The following MGAT5 variants were observed in gnomAD, a reference collection of about 807,000 sequenced individuals.
MGAT5 encodes the protein alpha-1,6-mannosylglycoprotein 6-beta-N-acetylglucosaminyltransferase A.
In MGAT5, 30 loss-of-function variants were observed where a neutral mutation model predicts 94.3. That is an observed-to-expected ratio of 0.32 (90% CI 0.24 to 0.43). The LOEUF is 0.43. MGAT5 is among the 20% of genes least tolerant of loss of function. MGAT5 has a pLI of 1.00. For missense variants in MGAT5, 691 were observed against 905.5 expected, an observed-to-expected ratio of 0.76 and a Z score of 3.04; for synonymous variants, 310 against 322.9, an observed-to-expected ratio of 0.96 and a Z score of 0.43.
intron 2 of MGAT5, among the ~76,000 whole-genome samples, chr2:134,274,235 T>C (rs1247802234): frequency 6.6e-6 from 1 of 152,254 alleles, no homozygotes; most frequent in African/African-American, 2.4e-5. Flanking sequence ...TCAGTAAATA[T>C]TGCTCACATG....
At chr2:134,386,444 C>A (rs1681977644) in intron 10 of MGAT5, among the ~76,000 whole-genome samples, 1 of 152,148 alleles carries the variant, frequency 6.6e-6, no homozygotes, top group Non-Finnish European at 1.5e-5. Context: ...AAAGAATTTC[C>A]TTTTTCTCTT....
At chr2:134,173,907 A>G (rs529142895) in intron 1 of MGAT5, among the ~76,000 whole-genome samples, 12 of 152,368 alleles carry the variant, frequency 7.9e-5, no homozygotes, top group Admixed American at 7.2e-4. Flanking sequence ...GAGTGAGGAA[A>G]TAGTTGGATC....
At chr2:134,431,271 G>A (rs571900067) in intron 14 of MGAT5, among the ~76,000 whole-genome samples, 1 of 152,342 alleles carries the variant, frequency 6.6e-6, no homozygotes, top group East Asian at 1.9e-4. Context: ...CTAAGGGGCA[G>A]TGGAACTGTC....
intron 2 of MGAT5, among the ~76,000 whole-genome samples, chr2:134,308,028 A>G (rs1470548): frequency 0.93 from 142,108 of 152,202 alleles, 66,905 homozygotes; most frequent in East Asian, 1. Flanking sequence ...TTGTGACCTT[A>G]GCCAAGTTAC....
chr2:134,164,191 T>G (rs538728321), intron 1 of MGAT5, among the ~76,000 whole-genome samples: 1 of 152,288 alleles, frequency 6.6e-6, no homozygotes, highest in South Asian at 2.1e-4. Flanking sequence ...TTCCTGAAAA[T>G]CTTTTAAACT....
At chr2:134,422,981 C>T in intron 13 of MGAT5, 62 bp downstream of exon 13, 2 of 1,183,572 alleles carry the variant, frequency 1.7e-6, no homozygotes, top group Non-Finnish European at 2.5e-6. Flanking sequence ...GTATAAAACA[C>T]ATCATAGGTC....
chr2:134,314,854 CA>C, intron 2 of MGAT5, among the ~76,000 whole-genome samples: 1 of 152,242 alleles, frequency 6.6e-6, no homozygotes, highest in Non-Finnish European at 1.5e-5. Flanking sequence ...AATCTCCTAG[CA>C]TAGCAACAGG....
intron 1 of MGAT5, among the ~76,000 whole-genome samples, chr2:134,141,496 A>G (rs944592174): frequency 4.1e-4 from 30 of 73,946 alleles, no homozygotes; most frequent in African/African-American, 1.6e-3. Flanking sequence ...GGGTGGGTGG[A>G]TGAATGGGTG....
At chr2:134,247,372 A>AAC (rs937702865) in intron 1 of MGAT5, among the ~76,000 whole-genome samples, 3 of 148,600 alleles carry the variant, frequency 2.0e-5, no homozygotes, top group Admixed American at 6.7e-5. Context: ...AAAAAAAAAA[A>AAC]AACAAAAAAA....
At chr2:134,414,726 T>G (rs868258436) in intron 12 of MGAT5, among the ~76,000 whole-genome samples, 3 of 152,162 alleles carry the variant, frequency 2.0e-5, no homozygotes, top group South Asian at 4.1e-4. Context: ...TTAATCAACT[T>G]GTATAACTGA....
intron 1 of MGAT5, among the ~76,000 whole-genome samples, chr2:134,174,448 T>C (rs1414733726): frequency 6.6e-6 from 1 of 152,282 alleles, no homozygotes; most frequent in Non-Finnish European, 1.5e-5. Flanking sequence ...CTAGTGCCAG[T>C]GGCTGGCACA....
chr2:134,128,229 AAG>A (rs1361094056), intron 1 of MGAT5, among the ~76,000 whole-genome samples: 1 of 152,016 alleles, frequency 6.6e-6, no homozygotes, highest in South Asian at 2.1e-4. Flanking sequence ...AAAAGAGAGA[AAG>A]AGAAGGAGAG....
At chr2:134,193,157 A>G (rs1533636) in intron 1 of MGAT5, among the ~76,000 whole-genome samples, 22,659 of 146,496 alleles carry the variant, frequency 0.15, 1,943 homozygotes, top group Admixed American at 0.22. Context: ...AGGTCTCGCT[A>G]TGTTACCCAG....
chr2:134,218,560 G>A (rs898382521), intron 1 of MGAT5, among the ~76,000 whole-genome samples: 3 of 152,112 alleles, frequency 2.0e-5, no homozygotes, highest in South Asian at 2.1e-4. Context: ...TGGGTTCCAC[G>A]GGGCTCCCTT....
intron 14 of MGAT5, among the ~76,000 whole-genome samples, chr2:134,439,152 C>T (rs1200549465): frequency 3.9e-5 from 6 of 152,136 alleles, no homozygotes; most frequent in Admixed American, 2.0e-4. Context: ...TTGCCTTTCT[C>T]AGCAGGCAAT....
chr2:134,131,386 G>A, intron 1 of MGAT5, among the ~76,000 whole-genome samples: 1 of 152,190 alleles, frequency 6.6e-6, no homozygotes, highest in East Asian at 1.9e-4. Context: ...AGAACTGGCA[G>A]AGCCAGGGTA....
chr2:134,412,992 A>G lies in MGAT5; in HGVS notation c.1654A>G (p.Ile552Val). The G allele has an allele frequency of 6.2e-7, 1 of 1,614,168 alleles. No homozygotes were observed. The highest frequency in any genetic ancestry group is 8.5e-7 in the Non-Finnish European group (1 of 1,180,006). ...AAGCAGCAAAAACACAGACTTTTTC[A>G]TTGGCAAGCCAACTCTGAGAGAGGT... is the stretch of plus-strand genomic sequence containing the variant. Reference protein sequence around the residue: ...PKSSKNTDFFIGKPTLRELTS... With the variant: ...PKSSKNTDFFVGKPTLRELTS... The change falls in exon 12 of 16, where the codon ATT (isoleucine) becomes GTT (valine). Residue 552 changes from isoleucine to valine, a missense_variant. Coordinates refer to ENST00000281923, the MANE Select transcript of MGAT5 (RefSeq NM_002410.5).
intron 10 of MGAT5, among the ~76,000 whole-genome samples, chr2:134,367,769 T>C (rs969607270): frequency 6.6e-6 from 1 of 152,242 alleles, no homozygotes; most frequent in East Asian, 1.9e-4. Context: ...CTGATCACTC[T>C]AGAGATGGAG....
upstream of MGAT5, among the ~76,000 whole-genome samples, chr2:134,249,471 C>G (rs1682465752): frequency 1.3e-5 from 2 of 152,066 alleles, no homozygotes; most frequent in Non-Finnish European, 2.9e-5. Context: ...ACAGATTTGC[C>G]TATTCTAGAC....
Sources: gnomAD v4.1 joint callset for allele counts (sites outside exome capture counted in the v4.1 genomes callset) on GRCh38, gnomAD v4.1.1 for gene constraint, MANE v1.5 for transcripts, NCBI Gene and HGNC (gene_info 2026-07-23, HGNC 2026-07-21) for gene names.